Variants in ATP9A observed in about 807,000 individuals in gnomAD.
ATP9A encodes ATPase phospholipid transporting 9A, also known as probable phospholipid-transporting ATPase IIA.
A neutral mutation model predicts 144.1 loss-of-function variants in ATP9A; 52 were observed. The observed-to-expected ratio is 0.36, with a 90% CI of 0.29 to 0.45. The LOEUF (loss-of-function observed/expected upper bound fraction) is 0.45. Ranked by LOEUF, ATP9A falls within the 20% of genes least tolerant of loss-of-function variation. ATP9A has a pLI of 1.00. For synonymous variants in ATP9A, 582 were observed against 557.4 expected (o/e 1.04, Z -0.62); for missense variants, 947 against 1,392.7 (o/e 0.68, Z 5.09).
intron 1 of ATP9A, among the ~76,000 whole-genome samples, chr20:51,752,176 C>T (rs1444143898): frequency 6.6e-6 from 1 of 152,170 alleles, no homozygotes; most frequent in Non-Finnish European, 1.5e-5. Context: ...AGACAAGAGA[C>T]AGCAGCTTAC....
At chr20:51,634,941 G>A (rs958909712) in intron 15 of ATP9A, among the ~76,000 whole-genome samples, 2 of 151,652 alleles carry the variant, frequency 1.3e-5, no homozygotes, top group Non-Finnish European at 2.9e-5. Flanking sequence ...AGTGCTCAGT[G>A]CCACCTCCAT....
intron 13 of ATP9A, among the ~76,000 whole-genome samples, chr20:51,661,078 G>A (rs1255041442): frequency 1.2e-4 from 19 of 152,098 alleles, no homozygotes; most frequent in African/African-American, 3.6e-4. Context: ...GCCCCTGGGC[G>A]GGTGTCTCGA....
chr20:51,621,657 A>G (rs924665458), intron 19 of ATP9A, among the ~76,000 whole-genome samples: 1 of 152,158 alleles, frequency 6.6e-6, no homozygotes, highest in Non-Finnish European at 1.5e-5. Flanking sequence ...AGGAGGGCAG[A>G]TGGACCAGTA....
rs2077477166 is a variant in ATP9A at position 51,676,319 on chromosome 20, T to C, written c.800-111A>G. On this transcript the variant is annotated intron_variant, in intron 9 of 27. Coordinates refer to ENST00000338821, the MANE Select transcript of ATP9A (RefSeq NM_006045.3). ...TGAGAGACTGGGTTCTTTTTTTTTT[T>C]TGAGACAGAGTCTTGCTCTGTTGCT... 37 of 818,122 alleles carry C rather than the reference T, an allele frequency of 4.5e-5. No homozygotes were observed. In the South Asian group the frequency reaches 6.7e-4, roughly 15 times the overall value. 50.7% of individuals were successfully genotyped at this position (818,122 alleles called of 1,614,324 possible).
Position 51,605,003 on chromosome 20 carries a change from C to T in ATP9A, c.2821G>A (p.Gly941Arg). The T allele has an allele frequency of 6.2e-7, 1 of 1,609,852 alleles. No homozygotes were observed. The highest frequency in any genetic ancestry group is 2.2e-5 in the East Asian group (1 of 44,514). The change falls in exon 27 of 28, where the codon GGG becomes AGG. Residue 941 changes from glycine (G) to arginine (R), a missense_variant. Physicochemically the swap from Gly to Arg is moderately radical, Grantham distance 125. This residue lies in a region of ATP9A where 177 missense variants were observed against 344.9 expected (regional missense o/e 0.51). Transcript: ENST00000338821. ...TCCGACTCAAACAGCAGCAGCGCCC[C>T]GTACATGATGGTGCTCCCTGCAAAC... The part of the protein sequence containing the change: ...SIYQGSTIMY[G>R]ALLLFESEFV...
At chr20:51,727,683 G>A (rs190249005) in intron 2 of ATP9A, among the ~76,000 whole-genome samples, 14 of 152,282 alleles carry the variant, frequency 9.2e-5, no homozygotes, top group Admixed American at 5.9e-4. Flanking sequence ...TGTAATCCCA[G>A]CAATTTGGGA....
At chr20:51,715,922 A>T (rs184005862) in intron 3 of ATP9A, among the ~76,000 whole-genome samples, 30 of 152,278 alleles carry the variant, frequency 2.0e-4, no homozygotes, top group African/African-American at 7.0e-4. Flanking sequence ...AGCAACTCTG[A>T]AAGTGCAAGC....
At chr20:51,739,511 C>A (rs1377459343) in intron 1 of ATP9A, among the ~76,000 whole-genome samples, 1 of 151,816 alleles carries the variant, frequency 6.6e-6, no homozygotes, top group Admixed American at 6.6e-5. Flanking sequence ...GCCACCATGC[C>A]CGGCTAATTT....
chr20:51,766,886 G>A (rs946540805), intron 1 of ATP9A, among the ~76,000 whole-genome samples: 1 of 151,904 alleles, frequency 6.6e-6, no homozygotes, highest in African/African-American at 2.4e-5. Flanking sequence ...ACAGAGAAGG[G>A]AGGAGTGAGG....
chr20:51,622,832 T>TTTTG lies in ATP9A; in HGVS notation c.2017-664_2017-661dup, dbSNP rs2077232287. Among the ~76,000 whole-genome samples the TTTTG allele has an allele frequency of 2.0e-5, 3 of 152,264 alleles. No individual in the cohort carries two copies. The South Asian group carries it at 6.2e-4, about 32-fold the overall frequency. ...CTCTGTGATTTTACCTCATTAACCC[T>TTTTG]TTTGTTCTCTTTGCTCCCAGCTGGG... On this transcript the variant is annotated intron_variant, in intron 18 of 27. Transcript: ENST00000338821.
At chr20:51,605,912 C>CAA (rs77080495) in intron 26 of ATP9A, among the ~76,000 whole-genome samples, 6 of 102,480 alleles carry the variant, frequency 5.9e-5, no homozygotes, top group African/African-American at 1.1e-4. Flanking sequence ...GACTCTGTTA[C>CAA]AAAAAAAAAA....
chr20:51,693,629 G>A (rs564616394), intron 7 of ATP9A, among the ~76,000 whole-genome samples: 1 of 151,912 alleles, frequency 6.6e-6, no homozygotes, highest in Non-Finnish European at 1.5e-5. Flanking sequence ...CCTCGAACCC[G>A]CAGGCTTAAG....
At chr20:51,715,374 G>A (rs1568833088) in intron 3 of ATP9A, among the ~76,000 whole-genome samples, 1 of 152,224 alleles carries the variant, frequency 6.6e-6, no homozygotes. Context: ...GAGAAAACCT[G>A]TTCTGTGAGG....
intron 9 of ATP9A, among the ~76,000 whole-genome samples, chr20:51,682,248 T>C (rs1163342032): frequency 6.6e-6 from 1 of 151,970 alleles, no homozygotes; most frequent in Non-Finnish European, 1.5e-5. Context: ...TAAAATAAAG[T>C]TGGAAAGAAA....
chr20:51,678,952 G>C (rs550712752), intron 9 of ATP9A, among the ~76,000 whole-genome samples: 1 of 152,106 alleles, frequency 6.6e-6, no homozygotes, highest in African/African-American at 2.4e-5. Context: ...CACCGGATGC[G>C]CCTTGGCTTG....
intron 14 of ATP9A, among the ~76,000 whole-genome samples, chr20:51,655,183 T>C (rs942586444): frequency 6.6e-5 from 10 of 152,156 alleles, no homozygotes; most frequent in African/African-American, 2.4e-4. Context: ...AAAGAATGCT[T>C]TCAATAATAT....
At chr20:51,724,351 T>G (rs552741209) in intron 3 of ATP9A, among the ~76,000 whole-genome samples, 3 of 152,244 alleles carry the variant, frequency 2.0e-5, no homozygotes, top group African/African-American at 7.2e-5. Flanking sequence ...ATTGGACCTC[T>G]TTCTGTTTCT....
At chr20:51,762,204 A>C (rs2077883818) in intron 1 of ATP9A, among the ~76,000 whole-genome samples, 1 of 152,118 alleles carries the variant, frequency 6.6e-6, no homozygotes, top group Admixed American at 6.6e-5. Context: ...GTCTCTACCA[A>C]AAATACAAAA....
In ATP9A at chr20:51,670,051, G is replaced by A. The variant is rs144149115; in HGVS notation, c.1239C>T (p.Tyr413=). ...FKRLHLGTVA[Y]GLDSMDEVQS... ...GTACTTCGTCCATTGAGTCGAGGCCGTAGGCTACTGTTCCGAGATGGAGCC... is the reference window on the plus strand; with the variant it reads ...GTACTTCGTCCATTGAGTCGAGGCCATAGGCTACTGTTCCGAGATGGAGCC... Residue 413 remains tyrosine (Y), a synonymous_variant, in exon 13 of 28, where the codon TAC becomes TAT. Coordinates refer to ENST00000338821, the MANE Select transcript of ATP9A (RefSeq NM_006045.3). 26 of 1,614,070 alleles carry A rather than the reference G, an allele frequency of 1.6e-5. No homozygotes were observed. The highest frequency in any genetic ancestry group is 1.7e-5 in the Admixed American group (1 of 59,990).
Sources: allele counts gnomAD v4.1 joint callset (sites outside exome capture counted in the v4.1 genomes callset), GRCh38; gene constraint gnomAD v4.1.1; regional missense constraint gnomAD v4.1.1; transcripts MANE v1.5; gene names NCBI Gene and HGNC (gene_info 2026-07-23, HGNC 2026-07-21).